The following STK33 variants were observed in gnomAD, a reference collection of about 807,000 sequenced individuals.
STK33 encodes the protein serine/threonine kinase 33, also known as serine/threonine-protein kinase 33.
In STK33, 52 loss-of-function variants were observed where a neutral mutation model predicts 58.0. The observed-to-expected ratio is 0.90, with a 90% CI of 0.72 to 1.13. The LOEUF is 1.13. STK33 is among the 50% of genes most tolerant of loss of function. The pLI, the probability that STK33 is intolerant of heterozygous loss-of-function variation, is 0.00. For synonymous variants in STK33, 215 were observed against 200.1 expected, an observed-to-expected ratio of 1.07 and a Z score of -0.63; for missense variants, 630 against 604.2, an observed-to-expected ratio of 1.04 and a Z score of -0.45.
intron 1 of STK33, among the ~76,000 whole-genome samples, chr11:8,524,711 G>A (rs985570257): frequency 6.6e-6 from 1 of 151,892 alleles, no homozygotes; most frequent in African/African-American, 2.4e-5. Flanking sequence ...ACCTATTTTG[G>A]TAAAATTGGT....
rs532095184 is a variant in STK33, at chr11:8,461,934, T to G, written c.454-25A>C. Reference sequence around the variant, plus strand: ...CCTTAATCAATGAAGAAACACAGATTTCACATAATGAAAATCACTCCTACA... The same window carrying G: ...CCTTAATCAATGAAGAAACACAGATGTCACATAATGAAAATCACTCCTACA... On this transcript the variant is annotated intron_variant, in intron 7 of 15. Coordinates refer to ENST00000687296, the MANE Select transcript of STK33 (RefSeq NM_001352389.2). The G allele has an allele frequency of 3.9e-6, 6 of 1,535,406 alleles. No homozygotes were observed. The African/African-American group carries it at 7.0e-5, about 18-fold the overall frequency.
Position 8,474,419 on chromosome 11 carries a change from T to C in STK33, c.225+262A>G, listed in dbSNP as rs55836507. Among the ~76,000 whole-genome samples the C allele has an allele frequency of 5.0e-3, 761 of 152,118 alleles. 5 individuals carry two copies. Among genetic ancestry groups the C allele is most frequent in the African/African-American group, 0.017 (717 of 41,386 alleles). ...ACTTGAAAACCAATTCATTTCTGTATAAACCATTAAAAAAAGAAGTTGGTA... is the reference window on the plus strand; with the variant it reads ...ACTTGAAAACCAATTCATTTCTGTACAAACCATTAAAAAAAGAAGTTGGTA... On this transcript the variant is annotated intron_variant, in intron 5 of 15. Transcript: ENST00000687296.
chr11:8,487,278 G>C (rs1384002412), intron 1 of STK33, among the ~76,000 whole-genome samples: 1 of 151,828 alleles, frequency 6.6e-6, no homozygotes, highest in Non-Finnish European at 1.5e-5. Flanking sequence ...ACAAAAATTA[G>C]CTAGGCGTGG....
chr11:8,536,105 G>A (rs777831508), intron 1 of STK33, among the ~76,000 whole-genome samples: 6 of 152,156 alleles, frequency 3.9e-5, no homozygotes, highest in African/African-American at 1.2e-4. Context: ...AAGGGTGAAC[G>A]TGGGGAGGAG....
At chr11:8,525,904 G>A (rs547672768) in intron 1 of STK33, among the ~76,000 whole-genome samples, 1 of 152,108 alleles carries the variant, frequency 6.6e-6, no homozygotes, top group South Asian at 2.1e-4. Context: ...ACTGCAAGGG[G>A]GCCTTCACAA....
At chr11:8,553,174 A>ATATG (rs1300796201) in intron 1 of STK33, among the ~76,000 whole-genome samples, 3 of 67,834 alleles carry the variant, frequency 4.4e-5, no homozygotes, top group African/African-American at 1.5e-4. Context: ...TAAAATATAT[A>ATATG]TATATATATA....
chr11:8,503,905 G>C (rs1951691971), intron 1 of STK33, among the ~76,000 whole-genome samples: 1 of 152,116 alleles, frequency 6.6e-6, no homozygotes, highest in Non-Finnish European at 1.5e-5. Context: ...ACTTGAACTT[G>C]ACTTCTGTGT....
chr11:8,527,020 G>A (rs1954097543), intron 1 of STK33, among the ~76,000 whole-genome samples: 1 of 149,018 alleles, frequency 6.7e-6, no homozygotes, highest in Admixed American at 6.7e-5. Context: ...TGCCCAGGCT[G>A]GCGTGCAATG....
chr11:8,536,626 T>C (rs963471934), intron 1 of STK33, among the ~76,000 whole-genome samples: 16 of 152,208 alleles, frequency 1.1e-4, no homozygotes, highest in Non-Finnish European at 1.6e-4. Context: ...TGAAGTAGAA[T>C]TTAGTCAAGT....
chr11:8,413,708 A>C lies in STK33; in HGVS notation c.1147-16T>G. 1 of 1,609,204 alleles carries C rather than the reference A, an allele frequency of 6.2e-7. No individual in the cohort carries two copies. The highest frequency in any genetic ancestry group is 8.5e-7 in the Non-Finnish European group (1 of 1,177,778). On this transcript the variant is annotated splice_polypyrimidine_tract_variant and intron_variant, in intron 14 of 15. Coordinates refer to ENST00000687296, the MANE Select transcript of STK33 (RefSeq NM_001352389.2). ...GTTTATTGCCCTAATATTAACAATC[A>C]ATTTTTGGTGTTATAAACAACTTAG... is the stretch of plus-strand genomic sequence containing the variant.
At chr11:8,579,515 T>G (rs1199806694) in intron 1 of STK33, among the ~76,000 whole-genome samples, 2 of 152,010 alleles carry the variant, frequency 1.3e-5, no homozygotes, top group Non-Finnish European at 2.9e-5. Context: ...TAGATGAATA[T>G]TTTTAATTTA....
intron 11 of STK33, among the ~76,000 whole-genome samples, chr11:8,447,011 T>C (rs562792111): frequency 2.6e-5 from 4 of 152,146 alleles, no homozygotes; most frequent in Non-Finnish European, 5.9e-5. Context: ...CAAAAGAAAC[T>C]ATCATCAGAG....
At chr11:8,464,581 TG>T in intron 7 of STK33, 127 bp downstream of exon 7, 1 of 516,886 alleles carries the variant, frequency 1.9e-6, no homozygotes, top group Non-Finnish European at 3.3e-6. Flanking sequence ...CACGCTTCTC[TG>T]GGGGATCAGC....
intron 15 of STK33, among the ~76,000 whole-genome samples, chr11:8,402,800 T>G (rs542281588): frequency 3.3e-5 from 5 of 152,308 alleles, no homozygotes; most frequent in South Asian, 2.1e-4. Flanking sequence ...CTTCCAAGCT[T>G]TATCTAGAAA....
At chr11:8,582,444 CTTACAAT>C (rs763187906) in intron 1 of STK33, among the ~76,000 whole-genome samples, 1 of 152,156 alleles carries the variant, frequency 6.6e-6, no homozygotes, top group Non-Finnish European at 1.5e-5. Context: ...CCTCAGGAAA[CTTACAAT>C]CATGGCAGAA....
intron 1 of STK33, among the ~76,000 whole-genome samples, chr11:8,492,242 G>A (rs796558935): frequency 6.6e-6 from 1 of 152,172 alleles, no homozygotes; most frequent in East Asian, 1.9e-4. Context: ...ATAAAGGGAT[G>A]GAGGAAGATC....
At chr11:8,527,490 A>C (rs1432619571) in intron 1 of STK33, among the ~76,000 whole-genome samples, 1 of 150,212 alleles carries the variant, frequency 6.7e-6, no homozygotes, top group Non-Finnish European at 1.5e-5. Context: ...TTTTTTTTTT[A>C]ACAGTATCCC....
intron 14 of STK33, among the ~76,000 whole-genome samples, chr11:8,414,436 A>G (rs1311786493): frequency 3.9e-5 from 6 of 152,184 alleles, no homozygotes; most frequent in Non-Finnish European, 8.8e-5. Context: ...GAAAAAATTT[A>G]GACAAAAAAA....
chr11:8,396,348 T>C (rs146385240), intron 15 of STK33, among the ~76,000 whole-genome samples: 3 of 152,336 alleles, frequency 2.0e-5, no homozygotes, highest in African/African-American at 7.2e-5. Flanking sequence ...TATGCTTCTG[T>C]GTATATGGGT....
Sources: gnomAD v4.1 joint callset for allele counts (sites outside exome capture counted in the v4.1 genomes callset) on GRCh38, gnomAD v4.1.1 for gene constraint, MANE v1.5 for transcripts, NCBI Gene and HGNC (gene_info 2026-07-23, HGNC 2026-07-21) for gene names.